Variants in LRFN5 observed in about 807,000 individuals in gnomAD.
LRFN5 encodes the protein leucine rich repeat and fibronectin type III domain containing 5, also known as leucine-rich repeat and fibronectin type-III domain-containing protein 5.
LRFN5 carries 24 observed loss-of-function variants against 45.6 expected under a neutral mutation model. That is an observed-to-expected ratio of 0.53 (90% confidence interval 0.38 to 0.74). LRFN5 has a LOEUF of 0.74. LRFN5 is among the 30% of genes least tolerant of loss of function. The pLI is 0.00. For missense variants in LRFN5, 776 were observed against 861.5 expected, an observed-to-expected ratio of 0.90 and a Z score of 1.24; for synonymous variants, 340 against 313.8, an observed-to-expected ratio of 1.08 and a Z score of -0.88.
Position 41,904,304 on chromosome 14 carries a change from G to A in LRFN5, c.*129G>A. The A allele has an allele frequency of 8.8e-7, 1 of 1,136,784 alleles. No homozygotes were observed. Among genetic ancestry groups the A allele is most frequent in the Non-Finnish European group, 1.3e-6 (1 of 768,268 alleles). The allele number at this position is 1,136,784 out of a possible 1,614,324, so 70.4% of individuals were successfully genotyped here. A position where few individuals can be genotyped will look rare whatever the true frequency, so the allele number is the denominator to read the frequency against. On this transcript the variant is annotated 3_prime_UTR_variant, in exon 6 of 6. Coordinates refer to ENST00000298119, the MANE Select transcript of LRFN5 (RefSeq NM_152447.5). The stretch of plus-strand genomic sequence containing the variant: ...GTGTCGTAGAAGAAATTGTCTACAG[G>A]AGCCAAGGTGAAAGTCTCTGATGAC...
intron 2 of LRFN5, among the ~76,000 whole-genome samples, chr14:41,800,563 A>G (rs1282514275): frequency 2.0e-5 from 3 of 151,830 alleles, no homozygotes; most frequent in Non-Finnish European, 4.4e-5. Flanking sequence ...GTAGAGATAT[A>G]GGCAAAAAAC....
At position 41,671,622 on chromosome 14, in the gene LRFN5, T is replaced by TTTTTG. The variant is rs1555352981; in HGVS notation, c.-197+63064_-197+63065insGTTTT. Among the ~76,000 whole-genome samples, 1,187 of 137,100 alleles carry TTTTTG rather than the reference T, an allele frequency of 8.7e-3. 10 individuals are homozygous for TTTTTG. Among genetic ancestry groups the TTTTTG allele is most frequent in the Non-Finnish European group, 0.013 (845 of 64,766 alleles). The allele number at this position is 137,100 out of a possible 152,430, so 89.9% of individuals were successfully genotyped here. A position where few individuals can be genotyped will look rare whatever the true frequency, so the allele number is the denominator to read the frequency against. ...AGGAGAGATTTTTTTTTTTCGTTTT[T>TTTTTG]TTTTTTTTTTTTTTTACGGAGTTTC... On this transcript the variant is annotated intron_variant, in intron 1 of 5. Transcript: ENST00000298119.
intron 2 of LRFN5, among the ~76,000 whole-genome samples, chr14:41,799,875 T>C (rs888997491): frequency 1.3e-5 from 2 of 151,546 alleles, no homozygotes; most frequent in Admixed American, 6.6e-5. Context: ...TCTTTATAAA[T>C]AGTGTAACTG....
At chr14:41,836,683 T>C (rs1012212061) in intron 2 of LRFN5, among the ~76,000 whole-genome samples, 1 of 152,180 alleles carries the variant, frequency 6.6e-6, no homozygotes, top group East Asian at 1.9e-4. Flanking sequence ...ATCTTTGGCC[T>C]TGTGGAATTT....
chr14:41,900,964 G>A (rs779608567), intron 5 of LRFN5, among the ~76,000 whole-genome samples: 1 of 151,998 alleles, frequency 6.6e-6, no homozygotes, highest in Non-Finnish European at 1.5e-5. Flanking sequence ...GTCATACTGA[G>A]GTACCTGTTA....
intron 1 of LRFN5, among the ~76,000 whole-genome samples, chr14:41,643,226 C>A (rs900335528): frequency 6.6e-6 from 1 of 152,032 alleles, no homozygotes; most frequent in African/African-American, 2.4e-5. Flanking sequence ...AAATAGGAAT[C>A]AAAAACATTC....
At position 41,753,989 on chromosome 14, in the gene LRFN5, G is replaced by A. The variant is rs139879753; in HGVS notation, c.-196-12865G>A. ...TTAGCATGAAGGGCTGTTGAATTTC[G>A]TCAAAGGCCTTTTCTGCATCTATTG... On this transcript the variant is annotated intron_variant, in intron 1 of 5. Transcript: ENST00000298119. Among the ~76,000 whole-genome samples the A allele has an allele frequency of 6.4e-3, 969 of 152,172 alleles. 14 individuals are homozygous for A. The highest frequency in any genetic ancestry group is 0.022 in the African/African-American group (923 of 41,518).
intron 1 of LRFN5, among the ~76,000 whole-genome samples, chr14:41,706,476 A>G (rs1407634932): frequency 1.3e-5 from 2 of 152,082 alleles, no homozygotes; most frequent in African/African-American, 2.4e-5. Flanking sequence ...CTTCAATGGA[A>G]TAGATTCCCA....
intron 2 of LRFN5, among the ~76,000 whole-genome samples, chr14:41,832,461 GC>G (rs1181383115): frequency 3.3e-5 from 5 of 152,102 alleles, no homozygotes; most frequent in Admixed American, 1.3e-4. Context: ...ACATTGTTGT[GC>G]CCCTAAGTGG....
intron 1 of LRFN5, among the ~76,000 whole-genome samples, chr14:41,629,842 G>A (rs1434726285): frequency 6.6e-6 from 1 of 152,136 alleles, no homozygotes; most frequent in Non-Finnish European, 1.5e-5. Flanking sequence ...TGCAGAATCA[G>A]TTCCAGAATC....
chr14:41,810,141 A>G (rs1887686782), intron 2 of LRFN5, among the ~76,000 whole-genome samples: 1 of 152,114 alleles, frequency 6.6e-6, no homozygotes, highest in Non-Finnish European at 1.5e-5. Flanking sequence ...ATTGTAGACC[A>G]ATACACAGAT....
intron 2 of LRFN5, among the ~76,000 whole-genome samples, chr14:41,786,105 CTT>C (rs1886711342): frequency 6.6e-6 from 1 of 152,036 alleles, no homozygotes; most frequent in Non-Finnish European, 1.5e-5. Context: ...CCATTGTTGT[CTT>C]ATAGTTTACT....
intron 1 of LRFN5, among the ~76,000 whole-genome samples, chr14:41,728,334 A>G (rs1884021393): frequency 6.6e-6 from 1 of 152,118 alleles, no homozygotes; most frequent in Non-Finnish European, 1.5e-5. Flanking sequence ...AGAAGAAAAG[A>G]CTAGATATAA....
chr14:41,791,014 A>G (rs1886900017), intron 2 of LRFN5, among the ~76,000 whole-genome samples: 1 of 151,750 alleles, frequency 6.6e-6, no homozygotes, highest in Admixed American at 6.6e-5. Flanking sequence ...TTTTCAATTT[A>G]CCTATTTGTC....
intron 1 of LRFN5, among the ~76,000 whole-genome samples, chr14:41,738,565 T>C (rs897280980): frequency 2.0e-5 from 3 of 152,228 alleles, no homozygotes; most frequent in Non-Finnish European, 4.4e-5. Flanking sequence ...AGTTGTTTTC[T>C]TTTTTCTTTC....
Position 41,607,118 on chromosome 14 carries a change from G to T in LRFN5, c.-1641G>T, listed in dbSNP as rs1022232496. ...GGAGGCGGTGAGCGTGTGCAGAGCT[G>T]CCCGAACGGAGGACTATGTATGTGT... On this transcript the variant is annotated 5_prime_UTR_variant, in exon 1 of 6. Transcript: ENST00000298119. Among the ~76,000 whole-genome samples the T allele has an allele frequency of 1.3e-5, 2 of 152,180 alleles. No homozygotes were observed. Among genetic ancestry groups the T allele is most frequent in the African/African-American group, 4.8e-5 (2 of 41,468 alleles).
Position 41,754,290 on chromosome 14 carries a change from G to A in LRFN5, c.-196-12564G>A, listed in dbSNP as rs889943382. 6.1e-4 allele frequency among the ~76,000 whole-genome samples: 93 copies of A among 152,240 alleles called. 1 individual carries two copies. The highest frequency in any genetic ancestry group is 3.4e-3 in the Middle Eastern group (1 of 294). On this transcript the variant is annotated intron_variant, in intron 1 of 5. Coordinates refer to ENST00000298119, the MANE Select transcript of LRFN5 (RefSeq NM_152447.5). The stretch of plus-strand genomic sequence containing the variant: ...GATGCTGACCTCATAAAATGAGTTA[G>A]GGAGGATTTCCTCTTTTTCTATTGA...
At chr14:41,869,305 T>G (rs769956980) in intron 2 of LRFN5, among the ~76,000 whole-genome samples, 2 of 152,140 alleles carry the variant, frequency 1.3e-5, no homozygotes, top group Non-Finnish European at 2.9e-5. Flanking sequence ...AGGAAGTCCC[T>G]ATTTTCATCA....
chr14:41,753,440 A>C lies in LRFN5; in HGVS notation c.-196-13414A>C, dbSNP rs539131340. On this transcript the variant is annotated intron_variant, in intron 1 of 5. Coordinates refer to ENST00000298119, the MANE Select transcript of LRFN5 (RefSeq NM_152447.5). ...ATTTGTTTGTATCCTCTTTTATTTC[A>C]TTGAGCAGTGGTTTGTAGTTCTCCT... Among the ~76,000 whole-genome samples the C allele has an allele frequency of 9.2e-3, 1,402 of 152,002 alleles. 20 individuals are homozygous for C. The highest frequency in any genetic ancestry group is 0.032 in the African/African-American group (1,341 of 41,414).
Sources: allele counts gnomAD v4.1 joint callset (sites outside exome capture counted in the v4.1 genomes callset), GRCh38; gene constraint gnomAD v4.1.1; transcripts MANE v1.5; gene names NCBI Gene and HGNC (gene_info 2026-07-23, HGNC 2026-07-21).